The following ZNF177 variants were observed in gnomAD, a reference collection of about 807,000 sequenced individuals.
ZNF177 encodes zinc finger protein 177.
A neutral mutation model predicts 19.4 loss-of-function variants in ZNF177; 17 were observed. The ratio of observed to expected loss-of-function variants is 0.87; its 90% confidence interval spans 0.60 to 1.31. ZNF177 has a LOEUF of 1.31. ZNF177 is among the 40% of genes most tolerant of loss of function. ZNF177 has a pLI of 0.00. For synonymous variants in ZNF177, 220 were observed against 188.7 expected (o/e 1.17, Z -1.36); for missense variants, 633 against 561.8 (o/e 1.13, Z -1.28).
At position 9,376,745 on chromosome 19, in the gene ZNF177, AATT is replaced by A. The variant is rs141566673; in HGVS notation, c.-54+328_-54+330del. On this transcript the variant is annotated intron_variant, in intron 1 of 5. Transcript: ENST00000589262. ...CATCTTTCTATATTGTATATTAACA[AATT>A]ATTATAACTTTTTAATATTTTTATC... Among the ~76,000 whole-genome samples, 315 of 152,292 alleles carry A rather than the reference AATT, an allele frequency of 2.1e-3. 3 individuals carry two copies. The East Asian group carries it at 0.025, about 12-fold the overall frequency.
chr19:9,363,214 C>T (rs984342492), intron 1 of ZNF177, 130 bp downstream of exon 1: 3 of 152,418 alleles, frequency 2.0e-5, no homozygotes, highest in Admixed American at 6.5e-5. Context: ...CGTTTCTTCT[C>T]AGAGGCCGCC....
rs529027372 is a variant in ZNF177, at chr19:9,364,482, G to A, written c.-391-380G>A. ...AAGTCTTAAACTGACAAGGGAATTA[G>A]TGGAATAACTCTTTTTGTCGTGTCG... On this transcript the variant is annotated intron_variant, in intron 1 of 8. Coordinates refer to the ZNF177 transcript ENST00000343499. Among the ~76,000 whole-genome samples, 49 of 152,252 alleles carry A rather than the reference G, an allele frequency of 3.2e-4. No homozygotes were observed. In the Middle Eastern group the frequency reaches 0.014, roughly 42 times the overall value.
chr19:9,381,956 TTTCATTCTTATATGTGTC>T, exon 6 of ZNF177: 1 of 935,618 alleles, frequency 1.1e-6, no homozygotes, highest in African/African-American at 1.7e-5. Flanking sequence ...TCAGTGAGTA[TTTCATTCTTATATGTGTC>T]ACAACTGTAG....
intron 2 of ZNF177, among the ~76,000 whole-genome samples, chr19:9,369,313 T>G (rs973368519): frequency 6.6e-6 from 1 of 152,160 alleles, no homozygotes; most frequent in African/African-American, 2.4e-5. Context: ...ATAAGTTTTA[T>G]GAGACTAGAA....
exon 6 of ZNF177, chr19:9,381,323 AAAG>A (rs775830956): frequency 9.3e-6 from 15 of 1,613,918 alleles, no homozygotes; most frequent in Non-Finnish European, 1.3e-5. Flanking sequence ...AATGTGCACA[AAAG>A]AACTCACACT....
exon 6 of ZNF177, chr19:9,381,882 C>T: frequency 6.7e-7 from 1 of 1,483,474 alleles, no homozygotes. Flanking sequence ...GCCTTCTGGC[C>T]CAACTCTGGA....
chr19:9,380,112 G>A (rs765732143), exon 5 of ZNF177: 17 of 1,611,086 alleles, frequency 1.1e-5, no homozygotes, highest in Non-Finnish European at 1.4e-5. Flanking sequence ...ACATTCCTGG[G>A]GGAAAAACAT....
At chr19:9,369,386 T>C (rs1457187829) in intron 2 of ZNF177, among the ~76,000 whole-genome samples, 1 of 152,170 alleles carries the variant, frequency 6.6e-6, no homozygotes. Flanking sequence ...GTGCCTTTTG[T>C]CTCAAAATCT....
At chr19:9,381,129 T>A (rs377062558) in exon 6 of ZNF177, 55 of 1,613,970 alleles carry the variant, frequency 3.4e-5, no homozygotes, top group Admixed American at 5.0e-5. Context: ...AAACTTTCAC[T>A]GACCCTTTGT....
chr19:9,368,144 A>C (rs570688172), intron 2 of ZNF177, among the ~76,000 whole-genome samples: 1 of 152,326 alleles, frequency 6.6e-6, no homozygotes, highest in East Asian at 1.9e-4. Context: ...ATATCTGGGC[A>C]GTGAGTTAAG....
chr19:9,364,128 C>T (rs1019961849), intron 1 of ZNF177, among the ~76,000 whole-genome samples: 1 of 152,198 alleles, frequency 6.6e-6, no homozygotes, highest in African/African-American at 2.4e-5. Context: ...ATCCCATACT[C>T]ATCAGCAGTT....
At chr19:9,364,630 C>G (rs1437988713) in intron 1 of ZNF177, among the ~76,000 whole-genome samples, 1 of 151,980 alleles carries the variant, frequency 6.6e-6, no homozygotes, top group Non-Finnish European at 1.5e-5. Flanking sequence ...AGAGGATCCA[C>G]AGAGGAAAAA....
At chr19:9,380,548 ACACATGT>A in intron 5 of ZNF177, 113 bp from the exon 8 acceptor site, 2 of 1,527,252 alleles carry the variant, frequency 1.3e-6, no homozygotes, top group Non-Finnish European at 1.8e-6. Flanking sequence ...TGAAAATGGT[ACACATGT>A]CAGTCATGAT....
exon 6 of ZNF177, chr19:9,381,692 G>A: frequency 6.2e-7 from 1 of 1,614,196 alleles, no homozygotes; most frequent in Non-Finnish European, 8.5e-7. Flanking sequence ...CCTTATAAAT[G>A]TATTCAGTGT....
At position 9,379,628 on chromosome 19, in the gene ZNF177, T is replaced by C. The variant is rs1188984236; in HGVS notation, c.253+9T>C. On this transcript the variant is annotated intron_variant, in intron 4 of 5. Transcript: ENST00000589262. ...ACAAGGTGACTGTGCAGGTGAGCCT[T>C]GGGCAGAACAGGGTGCAGCCTTGGC... 4 of 1,613,166 alleles carry C rather than the reference T, an allele frequency of 2.5e-6. No individual in the cohort carries two copies. The Middle Eastern group carries it at 5.0e-4, about 200-fold the overall frequency.
At position 9,378,350 on chromosome 19, in the gene ZNF177, C is replaced by G. The variant is rs551367968; in HGVS notation, c.33+6C>G. 4.3e-6 allele frequency: 7 copies of G among 1,613,588 alleles called. No individual in the cohort carries two copies. Among genetic ancestry groups the G allele is most frequent in the Admixed American group, 1.7e-5 (1 of 59,918 alleles). On this transcript the variant is annotated splice_donor_region_variant and intron_variant, in intron 2 of 5. Transcript: ENST00000589262. ...GGCTGACAACCTGGTCACAGGTACA[C>G]AAGAAATTTCTCTATTTCCAAAAGC...
intron 2 of ZNF177, among the ~76,000 whole-genome samples, chr19:9,370,590 G>A (rs1835985): frequency 5.3e-5 from 8 of 151,682 alleles, no homozygotes; most frequent in Non-Finnish European, 1.2e-4. Flanking sequence ...ATTTAAAATA[G>A]ATACATATTT....
chr19:9,364,153 G>T (rs984702938), intron 1 of ZNF177, among the ~76,000 whole-genome samples: 2 of 152,124 alleles, frequency 1.3e-5, no homozygotes, highest in African/African-American at 4.8e-5. Context: ...CCCCATGGTT[G>T]GCAAGTTTTT....
intron 2 of ZNF177, among the ~76,000 whole-genome samples, chr19:9,365,818 A>AG (rs757282087): frequency 6.6e-6 from 1 of 152,026 alleles, no homozygotes; most frequent in East Asian, 1.9e-4. Flanking sequence ...AAAGAGGTTG[A>AG]GGGATAGTAA....
Sources: gnomAD v4.1 joint callset for allele counts (sites outside exome capture counted in the v4.1 genomes callset) on GRCh38, gnomAD v4.1.1 for gene constraint, MANE v1.5 for transcripts, NCBI Gene and HGNC (gene_info 2026-07-23, HGNC 2026-07-21) for gene names.